SCG3: variants seen among roughly 807,000 people sequenced by gnomAD.
SCG3 encodes secretogranin-3.
A neutral mutation model predicts 56.2 loss-of-function variants in SCG3; 38 were observed. The ratio of observed to expected loss-of-function variants is 0.68; its 90% confidence interval spans 0.52 to 0.89. The LOEUF (loss-of-function observed/expected upper bound fraction) is 0.89. Among genes scored for constraint, SCG3 ranks in the 40% least tolerant of loss-of-function variants. The probability of loss-of-function intolerance (pLI) is 0.00; values close to 1 mark genes in which losing one functional copy is unlikely to be tolerated. For missense variants in SCG3, 524 were observed against 540.7 expected (o/e 0.97, Z 0.31); for synonymous variants, 176 against 184.2 (o/e 0.96, Z 0.36).
chr15:51,708,919 T>A (rs2607122), intron 10 of SCG3, among the ~76,000 whole-genome samples: 16,053 of 152,106 alleles, frequency 0.11, 1,324 homozygotes, highest in East Asian at 0.45. Context: ...GGCACTCAAT[T>A]TCTCTAGTCT....
intron 4 of SCG3, among the ~76,000 whole-genome samples, chr15:51,686,973 C>T (rs1267488468): frequency 6.6e-6 from 1 of 152,072 alleles, no homozygotes; most frequent in Non-Finnish European, 1.5e-5. Context: ...TGTCCAAATC[C>T]CCAAAACCCA....
At chr15:51,708,120 T>C (rs971725233) in intron 10 of SCG3, 7 of 152,228 alleles carry the variant, frequency 4.6e-5, no homozygotes. Flanking sequence ...GCCTATGTTT[T>C]AAGGCTTGTG....
At chr15:51,694,030 C>G (rs1284114780) in intron 7 of SCG3, 1 of 152,216 alleles carries the variant, frequency 6.6e-6, no homozygotes, top group African/African-American at 2.4e-5. Flanking sequence ...TCCTCCCTCT[C>G]AACCCATGAC....
intron 11 of SCG3, among the ~76,000 whole-genome samples, chr15:51,715,861 C>CTTT (rs34085691): frequency 1.4e-5 from 2 of 145,106 alleles, no homozygotes; most frequent in Admixed American, 6.9e-5. Flanking sequence ...GGAGTCTGCA[C>CTTT]TTTTTTTTTT....
Position 51,689,331 on chromosome 15 carries a change from G to A in SCG3, c.653G>A (p.Trp218Ter). ...YEEDPNKPTSWTENQAGKIPE... is the reference protein window; with the variant it reads ...YEEDPNKPTS Reference sequence around the variant, plus strand: ...GAGGATCCCAATAAGCCCACAAGCTGGACTGAGAATCAGGCTGGAAAAATA... The same window carrying A: ...GAGGATCCCAATAAGCCCACAAGCTAGACTGAGAATCAGGCTGGAAAAATA... Residue 218 changes from tryptophan (W) to a stop codon, truncating the protein, a stop_gained, in exon 6 of 12, where the codon TGG becomes TAG. Transcript: ENST00000220478. LOFTEE classifies it high-confidence loss of function. 3 of 1,613,710 alleles carry A rather than the reference G, an allele frequency of 1.9e-6. No homozygotes were observed. The highest frequency in any genetic ancestry group is 2.5e-6 in the Non-Finnish European group (3 of 1,179,912).
chr15:51,683,139 T>C lies in SCG3; in HGVS notation c.181+15T>C, dbSNP rs373895566. On this transcript the variant is annotated intron_variant, in intron 3 of 11. Transcript: ENST00000220478. ...ATATCCTCCAGGTAAAAAGAAATCA[T>C]ATTGATGTTAATTTAAATAATGTAG... The C allele has an allele frequency of 6.2e-6, 10 of 1,604,532 alleles. No homozygotes were observed. In the South Asian group the frequency reaches 6.6e-5, roughly 11 times the overall value.
intron 6 of SCG3, 34 bp downstream of exon 6, chr15:51,689,402 T>G (rs200742282): frequency 3.6e-4 from 220 of 612,108 alleles, no homozygotes; most frequent in Admixed American, 9.6e-4. Context: ...TGCATGGGGG[T>G]GTGTGTGTGT....
intron 6 of SCG3, 63 bp downstream of exon 6, chr15:51,689,431 GTACTTCTA>G: frequency 1.6e-5 from 24 of 1,471,586 alleles, no homozygotes; most frequent in South Asian, 6.6e-5. Flanking sequence ...GTGTGTGTGT[GTACTTCTA>G]TCTGTATAAT....
intron 8 of SCG3, among the ~76,000 whole-genome samples, chr15:51,697,546 A>G (rs1343985652): frequency 2.0e-5 from 3 of 152,256 alleles, no homozygotes; most frequent in African/African-American, 7.2e-5. Flanking sequence ...TAGCTACCAT[A>G]TGAACAGTGC....
chr15:51,696,035 G>A (rs1188488621), intron 8 of SCG3, 44 bp downstream of exon 8: 1 of 1,134,138 alleles, frequency 8.8e-7, no homozygotes, highest in Non-Finnish European at 1.3e-6. Flanking sequence ...GGTTTTCATT[G>A]TTCAAAGTAA....
At chr15:51,686,280 G>A (rs933110357) in intron 4 of SCG3, among the ~76,000 whole-genome samples, 1 of 152,154 alleles carries the variant, frequency 6.6e-6, no homozygotes, top group African/African-American at 2.4e-5. Flanking sequence ...ATGGTCACAC[G>A]TTCCACTGTT....
chr15:51,695,299 G>T (rs991971556), intron 7 of SCG3, among the ~76,000 whole-genome samples: 10 of 152,106 alleles, frequency 6.6e-5, no homozygotes, highest in Non-Finnish European at 1.2e-4. Context: ...AATGAATAAA[G>T]ATTGTTCTTG....
chr15:51,709,701 A>ATTTTTTTTTTTTTTTTTT (rs869162420), intron 10 of SCG3, among the ~76,000 whole-genome samples: 2 of 22,964 alleles, frequency 8.7e-5, no homozygotes, highest in Non-Finnish European at 1.3e-4. Context: ...ATATATATAT[A>ATTTTTTTTTTTTTTTTTT]TTTTTTTTTT....
chr15:51,703,298 G>A (rs1318293088), intron 10 of SCG3, among the ~76,000 whole-genome samples: 1 of 152,170 alleles, frequency 6.6e-6, no homozygotes, highest in Non-Finnish European at 1.5e-5. Context: ...ATAGACGCAT[G>A]CTTACTGTCT....
intron 10 of SCG3, among the ~76,000 whole-genome samples, chr15:51,710,168 C>G (rs887380719): frequency 6.6e-6 from 1 of 152,060 alleles, no homozygotes; most frequent in African/African-American, 2.4e-5. Flanking sequence ...TTCTTGAGAG[C>G]TTACTCTCTG....
At chr15:51,683,181 C>A (rs929824522) in intron 3 of SCG3, 38 bp from the exon 4 acceptor site, 3 of 1,603,132 alleles carry the variant, frequency 1.9e-6, no homozygotes, top group Admixed American at 3.4e-5. Flanking sequence ...AGAATCTGAA[C>A]TAAAATGGCT....
chr15:51,709,887 A>ATTTTTTTTTTTTTT (rs67775073), intron 10 of SCG3, among the ~76,000 whole-genome samples: 4 of 84,812 alleles, frequency 4.7e-5, no homozygotes, highest in South Asian at 8.8e-4. Context: ...CGCCCGGCTA[A>ATTTTTTTTTTTTTT]TTTTTTTTTT....
rs1379657118 is a variant in SCG3 at position 51,681,522 on chromosome 15, C to T, written c.-234C>T. 1 of 553,714 alleles carries T rather than the reference C, an allele frequency of 1.8e-6. No individual in the cohort carries two copies. The highest frequency in any genetic ancestry group is 3.2e-6 in the Non-Finnish European group (1 of 307,714). The allele number at this position is 553,714 out of a possible 1,614,324, so 34.3% of individuals were successfully genotyped here. On this transcript the variant is annotated 5_prime_UTR_variant, in exon 1 of 12. Coordinates refer to ENST00000220478, the MANE Select transcript of SCG3 (RefSeq NM_013243.4). Reference sequence around the variant, plus strand: ...CGCGTCACAGGAACTTCAGCACCCACAGGGCGGACAGCGCTCCCCTCTACC... The same window carrying T: ...CGCGTCACAGGAACTTCAGCACCCATAGGGCGGACAGCGCTCCCCTCTACC...
rs112120522 is a variant in SCG3 at position 51,701,990 on chromosome 15, G to A, written c.1207+746G>A. Among the ~76,000 whole-genome samples the A allele has an allele frequency of 7.9e-3, 1,205 of 152,230 alleles. 18 individuals carry two copies. The highest frequency in any genetic ancestry group is 0.028 in the African/African-American group (1,154 of 41,526). On this transcript the variant is annotated intron_variant, in intron 10 of 11. Transcript: ENST00000220478. Reference sequence around the variant, plus strand: ...AGGAGATATACCTCATGTAAATGATGAGTTAATGGGTGCAGCACACCAGCA... The same window carrying A: ...AGGAGATATACCTCATGTAAATGATAAGTTAATGGGTGCAGCACACCAGCA...
Sources: allele counts gnomAD v4.1 joint callset (sites outside exome capture counted in the v4.1 genomes callset), GRCh38; gene constraint gnomAD v4.1.1; transcripts MANE v1.5; gene names NCBI Gene and HGNC (gene_info 2026-07-23, HGNC 2026-07-21).